AGBL4: variants seen among roughly 807,000 people sequenced by gnomAD.
AGBL4 encodes the protein cytosolic carboxypeptidase 6.
Under a neutral mutation model 66.4 loss-of-function variants are expected in AGBL4, and 58 were observed. That is an observed-to-expected ratio of 0.87 (90% CI 0.71 to 1.09). The LOEUF (loss-of-function observed/expected upper bound fraction) is 1.09, where lower values mean the gene tolerates loss of function less well. AGBL4 is among the 50% of genes least tolerant of loss of function. AGBL4 has a pLI of 0.00. For synonymous variants in AGBL4, 234 were observed against 222.9 expected, an observed-to-expected ratio of 1.05 and a Z score of -0.44; for missense variants, 579 against 631.0, an observed-to-expected ratio of 0.92 and a Z score of 0.88.
chr1:48,549,466 A>AGGAGAGGGAGAG (rs376882312), intron 11 of AGBL4, among the ~76,000 whole-genome samples: 3 of 152,054 alleles, frequency 2.0e-5, no homozygotes, highest in Admixed American at 6.6e-5. Context: ...GAGAGGGAGA[A>AGGAGAGGGAGAG]GGAGAGGGAG....
At chr1:48,639,768 T>G (rs1003016418) in intron 8 of AGBL4, among the ~76,000 whole-genome samples, 2 of 152,208 alleles carry the variant, frequency 1.3e-5, no homozygotes, top group African/African-American at 4.8e-5. Context: ...GCAAAGGGTA[T>G]AGCATGTGCA....
intron 3 of AGBL4, among the ~76,000 whole-genome samples, chr1:49,336,264 A>G (rs1184575755): frequency 2.0e-5 from 3 of 152,062 alleles, no homozygotes; most frequent in African/African-American, 4.8e-5. Flanking sequence ...TCTGACTTTG[A>G]TCCAAGGCAA....
chr1:49,069,405 T>C (rs919811960), intron 4 of AGBL4, among the ~76,000 whole-genome samples: 2 of 152,138 alleles, frequency 1.3e-5, no homozygotes, highest in Non-Finnish European at 2.9e-5. Flanking sequence ...AGTTAATTTT[T>C]ATATAAGGTG....
intron 9 of AGBL4, among the ~76,000 whole-genome samples, chr1:48,602,319 C>T (rs1432489554): frequency 1.3e-5 from 2 of 152,180 alleles, no homozygotes; most frequent in Non-Finnish European, 1.5e-5. Flanking sequence ...ACTTAGAGGA[C>T]GGATTCAGTG....
chr1:48,902,851 T>C (rs1387857702), intron 5 of AGBL4, among the ~76,000 whole-genome samples: 4 of 152,154 alleles, frequency 2.6e-5, no homozygotes, highest in Admixed American at 2.6e-4. Context: ...TTCCTTCCCA[T>C]AACTCCCCAT....
intron 5 of AGBL4, among the ~76,000 whole-genome samples, chr1:48,946,774 G>A (rs1656547147): frequency 6.6e-6 from 1 of 152,224 alleles, no homozygotes; most frequent in African/African-American, 2.4e-5. Context: ...CACGAGAGTA[G>A]TAGAGGGAAG....
intron 4 of AGBL4, among the ~76,000 whole-genome samples, chr1:49,174,544 T>C (rs559204742): frequency 6.6e-6 from 1 of 152,220 alleles, no homozygotes; most frequent in East Asian, 1.9e-4. Context: ...CATTTTTGAT[T>C]GATGAATTTG....
chr1:49,256,508 A>G (rs977405528), intron 3 of AGBL4, among the ~76,000 whole-genome samples: 4 of 152,226 alleles, frequency 2.6e-5, no homozygotes, highest in African/African-American at 9.6e-5. Flanking sequence ...ACGCAAAACT[A>G]TAAAACATTG....
intron 5 of AGBL4, among the ~76,000 whole-genome samples, chr1:49,006,368 A>G (rs528160092): frequency 1.2e-4 from 19 of 152,202 alleles, no homozygotes; most frequent in African/African-American, 4.3e-4. Context: ...CCTGGCTCGG[A>G]GGGTCCTACG....
chr1:49,771,624 C>T (rs891841593), intron 2 of AGBL4, among the ~76,000 whole-genome samples: 12 of 152,162 alleles, frequency 7.9e-5, no homozygotes, highest in Non-Finnish European at 1.5e-4. Context: ...GTATTGCAGA[C>T]TATCTTTTCC....
intron 1 of AGBL4, among the ~76,000 whole-genome samples, chr1:49,950,516 C>T (rs59049989): frequency 0.011 from 1,736 of 151,644 alleles, 31 homozygotes; most frequent in African/African-American, 0.031. Context: ...AGAACTTACT[C>T]ATGTAACCAG....
At chr1:49,122,059 T>G (rs992112297) in intron 4 of AGBL4, among the ~76,000 whole-genome samples, 20 of 152,226 alleles carry the variant, frequency 1.3e-4, no homozygotes, top group African/African-American at 4.8e-4. Flanking sequence ...TGCTAAGACC[T>G]TGGGAAAAGC....
At chr1:49,688,301 A>G (rs1646823762) in intron 3 of AGBL4, among the ~76,000 whole-genome samples, 1 of 152,176 alleles carries the variant, frequency 6.6e-6, no homozygotes, top group Admixed American at 6.6e-5. Context: ...AGCTAATTTT[A>G]GCTACCACAA....
chr1:49,218,318 A>G (rs1649236810), intron 4 of AGBL4, among the ~76,000 whole-genome samples: 1 of 152,120 alleles, frequency 6.6e-6, no homozygotes, highest in Non-Finnish European at 1.5e-5. Flanking sequence ...ATTCCAGGAG[A>G]TAGAAAACAA....
At chr1:48,602,517 A>C (rs954554821) in intron 9 of AGBL4, among the ~76,000 whole-genome samples, 2 of 152,142 alleles carry the variant, frequency 1.3e-5, no homozygotes, top group Admixed American at 1.3e-4. Context: ...TTTCCTTGGC[A>C]TGGCCCTGTG....
In AGBL4 at chr1:49,955,199, G is replaced by C. The variant is rs138585744; in HGVS notation, c.34+68564C>G. Among the ~76,000 whole-genome samples, 128 of 152,018 alleles carry C rather than the reference G, an allele frequency of 8.4e-4. 2 individuals carry two copies. In the East Asian group the frequency reaches 0.023, roughly 27 times the overall value. On this transcript the variant is annotated intron_variant, in intron 1 of 13. Coordinates refer to ENST00000371839, the MANE Select transcript of AGBL4 (RefSeq NM_032785.4). ...CACACATTGAGGCCAATACATTCTT[G>C]AAGATTTCAACCTGTTTCAAGGTTG...
rs1026094495 is a variant in AGBL4, at chr1:48,597,018, G to A, written c.952-6033C>T. 3.9e-5 allele frequency among the ~76,000 whole-genome samples: 6 copies of A among 152,052 alleles called. No individual in the cohort carries two copies. The South Asian group carries it at 1.0e-3, about 26-fold the overall frequency. On this transcript the variant is annotated intron_variant, in intron 9 of 13. Coordinates refer to ENST00000371839, the MANE Select transcript of AGBL4 (RefSeq NM_032785.4). Reference sequence around the variant, plus strand: ...ACTTCCCAAGCACACTGGTGTTCTCGTACTCTGGGCTTTTGTGTCTATTCC... The same window carrying A: ...ACTTCCCAAGCACACTGGTGTTCTCATACTCTGGGCTTTTGTGTCTATTCC...
intron 3 of AGBL4, among the ~76,000 whole-genome samples, chr1:49,548,636 ATGGTGG>A (rs1652701141): frequency 6.6e-6 from 1 of 152,214 alleles, no homozygotes; most frequent in Admixed American, 6.5e-5. Flanking sequence ...CCACTTGATC[ATGGTGG>A]ATTATCTTTT....
chr1:49,447,920 A>T (rs867255524), intron 3 of AGBL4, among the ~76,000 whole-genome samples: 3 of 151,956 alleles, frequency 2.0e-5, no homozygotes, highest in African/African-American at 7.3e-5. Flanking sequence ...AGAGGGCAAG[A>T]TGTCTCTAGC....
Sources: allele counts gnomAD v4.1 joint callset (sites outside exome capture counted in the v4.1 genomes callset), GRCh38; gene constraint gnomAD v4.1.1; transcripts MANE v1.5; gene names NCBI Gene and HGNC (gene_info 2026-07-23, HGNC 2026-07-21).